The following RASGRF2 variants were observed in gnomAD, a reference collection of about 807,000 sequenced individuals.
The protein encoded by RASGRF2 is Ras protein specific guanine nucleotide releasing factor 2, also known as ras-specific guanine nucleotide-releasing factor 2.
In RASGRF2, 76 loss-of-function variants were observed where a neutral mutation model predicts 151.0. The ratio of observed to expected loss-of-function variants is 0.50; its 90% CI spans 0.42 to 0.61. The LOEUF (loss-of-function observed/expected upper bound fraction) is 0.61, where lower values mean the gene tolerates loss of function less well. Ranked by LOEUF, RASGRF2 falls within the 20% of genes least tolerant of loss-of-function variation. RASGRF2 has a pLI of 0.00. For missense variants in RASGRF2, 1,148 were observed against 1,564.6 expected (o/e 0.73, Z 4.49); for synonymous variants, 504 against 566.5 (o/e 0.89, Z 1.57).
Position 81,080,082 on chromosome 5 carries a change from T to A in RASGRF2, c.888-39T>A, listed in dbSNP as rs757560829. The A allele has an allele frequency of 3.8e-6, 6 of 1,581,562 alleles. No homozygotes were observed. The South Asian group carries it at 7.1e-5, about 19-fold the overall frequency. On this transcript the variant is annotated intron_variant, in intron 5 of 26. Transcript: ENST00000265080. ...TGGATTTTAAACAAAATAAACACAT[T>A]ATAGCAACTAAATTATATTATTTTT...
chr5:80,970,640 T>C (rs1272626061), intron 1 of RASGRF2, among the ~76,000 whole-genome samples: 1 of 152,186 alleles, frequency 6.6e-6, no homozygotes, highest in Admixed American at 6.5e-5. Flanking sequence ...GCAGCATCTC[T>C]CATATCCAGG....
At chr5:80,995,824 C>A (rs1396230386) in intron 1 of RASGRF2, among the ~76,000 whole-genome samples, 1 of 151,584 alleles carries the variant, frequency 6.6e-6, no homozygotes, top group African/African-American at 2.4e-5. Flanking sequence ...TCCTGAGTAG[C>A]TGTGATGACA....
chr5:81,123,588 A>C, intron 15 of RASGRF2, 54 bp from the exon 16 acceptor site: 1 of 1,586,006 alleles, frequency 6.3e-7, no homozygotes, highest in African/African-American at 1.4e-5. Flanking sequence ...GATACTGACA[A>C]GAAGCTCTTG....
intron 1 of RASGRF2, among the ~76,000 whole-genome samples, chr5:80,970,928 A>T (rs1282296572): frequency 2.6e-5 from 4 of 152,152 alleles, no homozygotes; most frequent in Admixed American, 6.5e-5. Context: ...CACCTTATCA[A>T]CAAGATCTTA....
At chr5:81,198,085 C>G (rs764389535) in intron 18 of RASGRF2, among the ~76,000 whole-genome samples, 1 of 152,028 alleles carries the variant, frequency 6.6e-6, no homozygotes, top group Non-Finnish European at 1.5e-5. Context: ...CTCTCTCTCT[C>G]TCTCCCCAGA....
intron 5 of RASGRF2, among the ~76,000 whole-genome samples, 179 bp from the exon 6 acceptor site, chr5:81,079,941 GC>G (rs1418978759): frequency 2.5e-4 from 38 of 152,080 alleles, no homozygotes; most frequent in Admixed American, 2.5e-3. Flanking sequence ...ATCAGGGTTT[GC>G]TGAGGCTGTC....
intron 1 of RASGRF2, among the ~76,000 whole-genome samples, chr5:80,967,213 A>G (rs1283480918): frequency 6.6e-6 from 1 of 152,138 alleles, no homozygotes; most frequent in Admixed American, 6.5e-5. Context: ...ACATGGCGAA[A>G]CCCTGTCTGT....
chr5:81,109,161 C>A, intron 13 of RASGRF2, 83 bp downstream of exon 13: 1 of 1,495,990 alleles, frequency 6.7e-7, no homozygotes, highest in South Asian at 1.3e-5. Flanking sequence ...AATACTGTGT[C>A]AATAGAATTC....
chr5:81,149,228 G>A (rs183890986), intron 17 of RASGRF2, among the ~76,000 whole-genome samples: 45 of 152,310 alleles, frequency 3.0e-4, no homozygotes, highest in Non-Finnish European at 5.6e-4. Flanking sequence ...GAACCAAACT[G>A]TATGCCTATC....
intron 20 of RASGRF2, 62 bp from the exon 21 acceptor site, chr5:81,207,184 C>A: frequency 7.2e-7 from 1 of 1,386,806 alleles, no homozygotes; most frequent in South Asian, 1.2e-5. Flanking sequence ...CCTCACTGAC[C>A]TGCAATGAGA....
chr5:81,189,681 C>A (rs1755112092), intron 18 of RASGRF2, among the ~76,000 whole-genome samples: 1 of 148,966 alleles, frequency 6.7e-6, no homozygotes, highest in African/African-American at 2.5e-5. Flanking sequence ...ATACAATCAC[C>A]ATGTCAGAGG....
At chr5:81,178,868 G>A (rs181845067) in intron 17 of RASGRF2, among the ~76,000 whole-genome samples, 10 of 152,038 alleles carry the variant, frequency 6.6e-5, no homozygotes, top group Non-Finnish European at 1.3e-4. Context: ...CCTCCCGAGA[G>A]GCTGGGACTA....
At chr5:81,110,451 C>T (rs932385794) in intron 13 of RASGRF2, among the ~76,000 whole-genome samples, 6 of 152,090 alleles carry the variant, frequency 3.9e-5, no homozygotes, top group Admixed American at 6.5e-5. Context: ...AATGTAATCA[C>T]GATTTTGAAG....
chr5:81,087,634 A>T (rs778118812), intron 9 of RASGRF2: 2 of 502,064 alleles, frequency 4.0e-6, no homozygotes, highest in Non-Finnish European at 7.1e-6. Flanking sequence ...CTCGGCTGTT[A>T]TTTCAAAATG....
At chr5:81,157,864 A>G (rs1754299112) in intron 17 of RASGRF2, among the ~76,000 whole-genome samples, 1 of 152,164 alleles carries the variant, frequency 6.6e-6, no homozygotes, top group South Asian at 2.1e-4. Flanking sequence ...GTCCCTCCCA[A>G]TAGGGTTTAT....
At chr5:80,984,285 C>T (rs1748407005) in intron 1 of RASGRF2, among the ~76,000 whole-genome samples, 1 of 152,224 alleles carries the variant, frequency 6.6e-6, no homozygotes, top group South Asian at 2.1e-4. Context: ...AGCTCCTGGC[C>T]TCAAGTGATC....
chr5:81,217,497 C>T (rs772745008), intron 25 of RASGRF2, 24 bp downstream of exon 25: 1 of 1,590,216 alleles, frequency 6.3e-7, no homozygotes, highest in Non-Finnish European at 8.6e-7. Flanking sequence ...CATAATTAGC[C>T]TGTTTCAATG....
chr5:80,983,037 C>T (rs939231209), intron 1 of RASGRF2, among the ~76,000 whole-genome samples: 5 of 152,324 alleles, frequency 3.3e-5, no homozygotes, highest in East Asian at 3.9e-4. Context: ...TTGTATGCTT[C>T]GGTACCACTT....
At chr5:81,223,744 G>A (rs1755912638) in intron 26 of RASGRF2, among the ~76,000 whole-genome samples, 2 of 151,700 alleles carry the variant, frequency 1.3e-5, no homozygotes, top group Non-Finnish European at 2.9e-5. Flanking sequence ...AATCTAATAC[G>A]AGATAAAGAA....
Sources: allele counts gnomAD v4.1 joint callset (sites outside exome capture counted in the v4.1 genomes callset), GRCh38; gene constraint gnomAD v4.1.1; transcripts MANE v1.5; gene names NCBI Gene and HGNC (gene_info 2026-07-23, HGNC 2026-07-21).